Variants in CCDC7 observed in about 807,000 individuals in gnomAD.
CCDC7 encodes the protein coiled-coil domain containing 7.
A neutral mutation model predicts 196.9 loss-of-function variants in CCDC7; 183 were observed. The ratio of observed to expected loss-of-function variants is 0.93; its 90% CI spans 0.82 to 1.05. The LOEUF is 1.05. Among genes scored for constraint, CCDC7 ranks in the 50% least tolerant of loss-of-function variants. The pLI, the probability that CCDC7 is intolerant of heterozygous loss-of-function variation, is 0.00. For missense variants in CCDC7, 1,540 were observed against 1,482.2 expected (o/e 1.04, Z -0.64); for synonymous variants, 525 against 484.6 (o/e 1.08, Z -1.10).
exon 1 of CCDC7, chr10:32,451,694 C>G (rs895691805): frequency 6.2e-7 from 1 of 1,612,534 alleles, no homozygotes; most frequent in African/African-American, 1.3e-5. Flanking sequence ...GGCAAATGTT[C>G]CAGCATTAAC....
intron 18 of CCDC7, among the ~76,000 whole-genome samples, chr10:32,632,962 T>C (rs571658385): frequency 6.6e-6 from 1 of 152,332 alleles, no homozygotes; most frequent in African/African-American, 2.4e-5. Flanking sequence ...TGAGCTCTAC[T>C]TAATTTATTG....
chr10:32,633,682 G>GTATATATA (rs139788574), intron 18 of CCDC7, among the ~76,000 whole-genome samples: 5,265 of 121,244 alleles, frequency 0.043, 168 homozygotes, highest in Non-Finnish European at 0.06. Context: ...TTAGCTTTGT[G>GTATATATA]TATATATATA....
intron 21 of CCDC7, among the ~76,000 whole-genome samples, chr10:32,674,199 G>T (rs2140861291): frequency 6.7e-6 from 1 of 149,982 alleles, no homozygotes; most frequent in East Asian, 2.0e-4. Context: ...TTGTTCATTT[G>T]AAATATTTTT....
At chr10:32,640,490 A>C (rs1192067681) in intron 20 of CCDC7, among the ~76,000 whole-genome samples, 1 of 152,018 alleles carries the variant, frequency 6.6e-6, no homozygotes, top group African/African-American at 2.4e-5. Context: ...TTTTAATTGG[A>C]GCTTTTAGCC....
intron 5 of CCDC7, among the ~76,000 whole-genome samples, chr10:32,466,256 CTTTTT>C (rs35430926): frequency 2.0e-5 from 1 of 50,482 alleles, no homozygotes; most frequent in African/African-American, 4.8e-5. Context: ...GTTTCTCTCT[CTTTTT>C]TTTTTTTTTT....
upstream of CCDC7, chr10:32,446,008 C>G (rs1181543416): frequency 6.6e-6 from 1 of 152,244 alleles, no homozygotes; most frequent in African/African-American, 2.4e-5. Context: ...ACATTATTAA[C>G]CTTCCGGCAA....
chr10:32,759,266 A>G (rs1345516066), intron 28 of CCDC7, among the ~76,000 whole-genome samples: 1 of 152,174 alleles, frequency 6.6e-6, no homozygotes, highest in Non-Finnish European at 1.5e-5. Context: ...ATGGAACCAA[A>G]AAAGAGCCCG....
chr10:32,563,214 G>A lies in CCDC7; in HGVS notation c.1135-2344G>A, dbSNP rs921440244. Among the ~76,000 whole-genome samples the A allele has an allele frequency of 3.3e-5, 5 of 152,150 alleles. 1 individual carries two copies. Among genetic ancestry groups the A allele is most frequent in the African/African-American group, 1.2e-4 (5 of 41,488 alleles). On this transcript the variant is annotated intron_variant, in intron 13 of 41. Transcript: ENST00000639629. ...AGGAAGAATCAATATCATGAAAATG[G>A]CCATACTGCCCAAGGTAATTTATAG... is the stretch of plus-strand genomic sequence containing the variant.
At chr10:32,864,978 CAT>C (rs1318859191) in intron 41 of CCDC7, among the ~76,000 whole-genome samples, 1 of 151,844 alleles carries the variant, frequency 6.6e-6, no homozygotes, top group Non-Finnish European at 1.5e-5. Context: ...CAAGATGAAT[CAT>C]GTACCTAAAT....
chr10:32,705,365 T>G (rs1212089437), intron 24 of CCDC7, among the ~76,000 whole-genome samples: 1 of 152,004 alleles, frequency 6.6e-6, no homozygotes, highest in African/African-American at 2.4e-5. Flanking sequence ...TGCAAAAACA[T>G]GCCAAATTGT....
At chr10:32,663,500 T>G (rs1029356817) in intron 20 of CCDC7, among the ~76,000 whole-genome samples, 2 of 152,212 alleles carry the variant, frequency 1.3e-5, no homozygotes, top group African/African-American at 4.8e-5. Context: ...ATACTTGATA[T>G]CTTTCTTCTA....
intron 8 of CCDC7, among the ~76,000 whole-genome samples, chr10:32,477,552 G>GTTT (rs35299864): frequency 7.0e-6 from 1 of 142,262 alleles, no homozygotes; most frequent in Non-Finnish European, 1.5e-5. Context: ...TAGAGTCATT[G>GTTT]TTTTTTTTTT....
intron 30 of CCDC7, among the ~76,000 whole-genome samples, chr10:32,806,931 T>C (rs2085964837): frequency 6.6e-6 from 1 of 152,132 alleles, no homozygotes; most frequent in Admixed American, 6.5e-5. Context: ...TGACTACTTA[T>C]CATTAGGAAC....
chr10:32,667,373 A>G (rs1295891927), intron 21 of CCDC7, among the ~76,000 whole-genome samples: 1 of 152,114 alleles, frequency 6.6e-6, no homozygotes, highest in Non-Finnish European at 1.5e-5. Flanking sequence ...CTTCAGTTTA[A>G]TTAGATCCCA....
chr10:32,815,116 G>T (rs1035853226), intron 31 of CCDC7, among the ~76,000 whole-genome samples: 20 of 151,958 alleles, frequency 1.3e-4, no homozygotes, highest in African/African-American at 4.8e-4. Context: ...CCACAAAAAG[G>T]AAGAGTCAAT....
chr10:32,658,207 G>T (rs1461759674), intron 20 of CCDC7, among the ~76,000 whole-genome samples: 1 of 152,142 alleles, frequency 6.6e-6, no homozygotes, highest in Non-Finnish European at 1.5e-5. Context: ...TTATCTTTAT[G>T]GCAGTGCCTC....
intron 8 of CCDC7, among the ~76,000 whole-genome samples, chr10:32,490,337 CT>C (rs35146486): frequency 0.34 from 52,345 of 151,924 alleles, 11,449 homozygotes; most frequent in Non-Finnish European, 0.5. Context: ...TGTGTTCTTC[CT>C]TTTTTTCCCC....
chr10:32,456,502 A>C, intron 3 of CCDC7, 168 bp downstream of exon 4: 1 of 517,428 alleles, frequency 1.9e-6, no homozygotes, highest in Non-Finnish European at 2.9e-6. Context: ...TTTTTTTTTA[A>C]TCATCATCAA....
intron 3 of CCDC7, among the ~76,000 whole-genome samples, chr10:32,459,910 A>C (rs1013706124): frequency 6.6e-6 from 1 of 152,026 alleles, no homozygotes; most frequent in African/African-American, 2.4e-5. Flanking sequence ...AAATTGAACA[A>C]AGTCTCAGAT....
Sources: allele counts gnomAD v4.1 joint callset (sites outside exome capture counted in the v4.1 genomes callset), GRCh38; gene constraint gnomAD v4.1.1; transcripts MANE v1.5; gene names NCBI Gene and HGNC (gene_info 2026-07-23, HGNC 2026-07-21).